FSTL1: variants seen among roughly 807,000 people sequenced by gnomAD.
FSTL1 encodes follistatin-related protein 1.
In FSTL1, 24 loss-of-function variants were observed where a neutral mutation model predicts 45.9. The observed-to-expected ratio is 0.52, with a 90% CI of 0.38 to 0.74. FSTL1 has a LOEUF of 0.74. Ranked by LOEUF, FSTL1 falls within the 30% of genes least tolerant of loss-of-function variation. FSTL1 has a pLI of 0.00. For missense variants in FSTL1, 340 were observed against 381.8 expected (o/e 0.89, Z 0.91); for synonymous variants, 120 against 137.6 (o/e 0.87, Z 0.89).
chr3:120,438,766 G>A (rs926891666), intron 2 of FSTL1, among the ~76,000 whole-genome samples: 2 of 152,158 alleles, frequency 1.3e-5, no homozygotes, highest in Non-Finnish European at 2.9e-5. Context: ...TCTGTCCTGA[G>A]TTATTCATCC....
At chr3:120,398,955 T>C (rs1300106455) in intron 10 of FSTL1, among the ~76,000 whole-genome samples, 1 of 152,178 alleles carries the variant, frequency 6.6e-6, no homozygotes, top group Non-Finnish European at 1.5e-5. Flanking sequence ...CGACATGAGA[T>C]TTCTATACTA....
chr3:120,430,107 T>C (rs543996761), intron 2 of FSTL1, among the ~76,000 whole-genome samples: 1 of 152,336 alleles, frequency 6.6e-6, no homozygotes, highest in South Asian at 2.1e-4. Context: ...GACTATGTTT[T>C]AGGCATAAGC....
chr3:120,411,078 G>T, intron 4 of FSTL1, 94 bp from the exon 5 acceptor site: 2 of 816,728 alleles, frequency 2.4e-6, no homozygotes, highest in Non-Finnish European at 4.0e-6. Context: ...TACATGTAGG[G>T]GAATGTTTGT....
Position 120,442,070 on chromosome 3 carries a change from T to G in FSTL1, c.63+8614A>C, listed in dbSNP as rs147082228. On this transcript the variant is annotated intron_variant, in intron 2 of 10. Transcript: ENST00000295633. Reference sequence around the variant, plus strand: ...GCCTAGTGGATGTTTACTTGTATACTGAGGATTCTCCTGGTGAAATCATTA... The same window carrying G: ...GCCTAGTGGATGTTTACTTGTATACGGAGGATTCTCCTGGTGAAATCATTA... Among the ~76,000 whole-genome samples the G allele has an allele frequency of 3.0e-3, 462 of 152,358 alleles. 5 individuals are homozygous for G. Among genetic ancestry groups the G allele is most frequent in the African/African-American group, 0.01 (434 of 41,586 alleles).
At position 120,443,374 on chromosome 3, in the gene FSTL1, CT is replaced by C. The variant is rs917622868; in HGVS notation, c.63+7309del. Among the ~76,000 whole-genome samples the C allele has an allele frequency of 1.1e-4, 17 of 149,618 alleles. 5 individuals carry two copies. The highest frequency in any genetic ancestry group is 4.4e-4 in the African/African-American group (17 of 39,020). On this transcript the variant is annotated intron_variant, in intron 2 of 10. Coordinates refer to ENST00000295633, the MANE Select transcript of FSTL1 (RefSeq NM_007085.5). The stretch of plus-strand genomic sequence containing the variant: ...CAGAACAGGGATCTGTATGGTAAGG[CT>C]TTTTAGTCCCACACTCTTCCTAATA...
rs779412607 is a variant in FSTL1 at position 120,415,939 on chromosome 3, G to A, written c.152C>T (p.Thr51Ile). Residue 51 changes from threonine (T) to isoleucine (I), a missense_variant, in exon 3 of 11, where the codon ACC becomes ATC. Thr to Ile is a moderately conservative substitution (Grantham distance 89). Coordinates refer to ENST00000295633, the MANE Select transcript of FSTL1 (RefSeq NM_007085.5). ...ECAVTEKGEPTCLCIEQCKPH... is the reference protein window; with the variant it reads ...ECAVTEKGEPICLCIEQCKPH... ...AGGACTTACCTCAATGCAGAGACAG[G>A]TGGGTTCCCCTTTCTCTGTGACTGC... The A allele has an allele frequency of 5.6e-6, 9 of 1,611,022 alleles. No individual in the cohort carries two copies. Among genetic ancestry groups the A allele is most frequent in the Non-Finnish European group, 7.6e-6 (9 of 1,177,174 alleles).
chr3:120,446,220 C>T (rs1212501678), intron 2 of FSTL1, among the ~76,000 whole-genome samples: 2 of 152,206 alleles, frequency 1.3e-5, no homozygotes, highest in African/African-American at 2.4e-5. Context: ...ATTCTTGTGG[C>T]AGCATGTGTT....
intron 2 of FSTL1, among the ~76,000 whole-genome samples, chr3:120,431,720 A>G (rs1230629916): frequency 1.3e-5 from 2 of 152,244 alleles, no homozygotes; most frequent in Non-Finnish European, 2.9e-5. Flanking sequence ...ACCTCACTGC[A>G]TCGGAGGAGG....
chr3:120,430,055 AATCAGGGAAAG>A (rs1462063028), intron 2 of FSTL1, among the ~76,000 whole-genome samples: 1 of 152,154 alleles, frequency 6.6e-6, no homozygotes, highest in East Asian at 1.9e-4. Flanking sequence ...GTAGTCATGA[AATCAGGGAAAG>A]ATCAGGCTCT....
In FSTL1 at chr3:120,396,808, G is replaced by C; in HGVS notation, c.*144C>G. On this transcript the variant is annotated 3_prime_UTR_variant, in exon 11 of 11. Coordinates refer to ENST00000295633, the MANE Select transcript of FSTL1 (RefSeq NM_007085.5). ...GCCAGCCACCTTCATATCCTTTATT[G>C]CAAAACAAATAAACAAAATAAAACT... The C allele has an allele frequency of 1.4e-6, 1 of 691,996 alleles. No homozygotes were observed. The allele number at this position is 691,996 out of a possible 1,614,324, so 42.9% of individuals were successfully genotyped here.
chr3:120,424,790 T>C (rs1937348133), intron 2 of FSTL1, among the ~76,000 whole-genome samples: 2 of 151,880 alleles, frequency 1.3e-5, no homozygotes, highest in African/African-American at 2.4e-5. Context: ...GAGGGTTGGT[T>C]GTGTGTCTCT....
intron 5 of FSTL1, chr3:120,410,714 G>A: frequency 1.6e-6 from 1 of 637,452 alleles, no homozygotes; most frequent in East Asian, 3.2e-5. Context: ...CACTACTCAG[G>A]AAAAATGGGA....
chr3:120,440,753 T>A (rs1428581517), intron 2 of FSTL1, among the ~76,000 whole-genome samples: 2 of 152,246 alleles, frequency 1.3e-5, no homozygotes, highest in African/African-American at 4.8e-5. Context: ...TGCAGTTTTA[T>A]CTCTGCATCT....
At chr3:120,421,878 C>T (rs931806953) in intron 2 of FSTL1, among the ~76,000 whole-genome samples, 1 of 152,082 alleles carries the variant, frequency 6.6e-6, no homozygotes, top group African/African-American at 2.4e-5. Flanking sequence ...TTAGGGAGGG[C>T]TAAAAAAATA....
At chr3:120,414,466 G>A (rs551399072) in intron 3 of FSTL1, among the ~76,000 whole-genome samples, 9 of 148,672 alleles carry the variant, frequency 6.1e-5, no homozygotes, top group African/African-American at 1.5e-4. Flanking sequence ...CCCTCTGCCC[G>A]GCCACCACCC....
At chr3:120,438,089 G>A (rs1157750447) in intron 2 of FSTL1, among the ~76,000 whole-genome samples, 1 of 151,990 alleles carries the variant, frequency 6.6e-6, no homozygotes, top group Non-Finnish European at 1.5e-5. Context: ...ACAAAATTAG[G>A]GTCCACGCAA....
chr3:120,402,624 G>A (rs1261007981), intron 9 of FSTL1, among the ~76,000 whole-genome samples, 184 bp downstream of exon 9: 1 of 152,004 alleles, frequency 6.6e-6, no homozygotes, highest in African/African-American at 2.4e-5. Context: ...AATGCCTATG[G>A]GATAAATGTT....
At chr3:120,433,504 T>A (rs1433968475) in intron 2 of FSTL1, among the ~76,000 whole-genome samples, 4 of 152,198 alleles carry the variant, frequency 2.6e-5, no homozygotes, top group Non-Finnish European at 5.9e-5. Context: ...CAAAAAATAT[T>A]TACTAAGCAT....
At chr3:120,448,424 T>C (rs1354670612) in intron 2 of FSTL1, among the ~76,000 whole-genome samples, 1 of 152,218 alleles carries the variant, frequency 6.6e-6, no homozygotes, top group Non-Finnish European at 1.5e-5. Flanking sequence ...AGAGGGTTAA[T>C]GTACCTCTTC....
Sources: gnomAD v4.1 joint callset for allele counts (sites outside exome capture counted in the v4.1 genomes callset) on GRCh38, gnomAD v4.1.1 for gene constraint, MANE v1.5 for transcripts, NCBI Gene and HGNC (gene_info 2026-07-23, HGNC 2026-07-21) for gene names.